LHFPL3: variants seen among roughly 807,000 people sequenced by gnomAD.
The protein encoded by LHFPL3 is LHFPL tetraspan subfamily member 3 protein.
Under a neutral mutation model 19.3 loss-of-function variants are expected in LHFPL3, and 5 were observed. That is an observed-to-expected ratio of 0.26 (90% CI 0.14 to 0.54). LHFPL3 has a LOEUF of 0.54. Among genes scored for constraint, LHFPL3 ranks in the 20% least tolerant of loss-of-function variants. LHFPL3 has a pLI of 0.94. For synonymous variants in LHFPL3, 133 were observed against 126.2 expected, an observed-to-expected ratio of 1.05 and a Z score of -0.36; for missense variants, 249 against 307.4, an observed-to-expected ratio of 0.81 and a Z score of 1.42.
rs570473773 is a variant in LHFPL3, at chr7:104,570,798, A to G, written c.446-165877A>G. ...ATTTCATCACTCAGGAATTAAGCCC[A>G]GTACCCAACAGTTATCTTTTCTGCT... On this transcript the variant is annotated intron_variant, in intron 1 of 2. Transcript: ENST00000424859. Among the ~76,000 whole-genome samples the G allele has an allele frequency of 3.9e-5, 6 of 152,322 alleles. No homozygotes were observed. The South Asian group carries it at 8.3e-4, about 21-fold the overall frequency.
At chr7:104,886,157 C>T (rs991558220) in intron 2 of LHFPL3, among the ~76,000 whole-genome samples, 8 of 152,220 alleles carry the variant, frequency 5.3e-5, no homozygotes, top group Admixed American at 2.6e-4. Context: ...AAAGCTAGGA[C>T]TTACTCTCCT....
chr7:104,870,081 G>C (rs1206170689), intron 2 of LHFPL3, among the ~76,000 whole-genome samples: 1 of 151,938 alleles, frequency 6.6e-6, no homozygotes, highest in Non-Finnish European at 1.5e-5. Flanking sequence ...TCACACACCG[G>C]GGCCTGCTGT....
intron 1 of LHFPL3, among the ~76,000 whole-genome samples, chr7:104,710,361 A>C (rs1238186396): frequency 6.6e-6 from 1 of 152,108 alleles, no homozygotes; most frequent in African/African-American, 2.4e-5. Context: ...CTTTGACCTT[A>C]GTTATTGACT....
chr7:104,446,010 G>A (rs1402980122), intron 1 of LHFPL3, among the ~76,000 whole-genome samples: 2 of 152,172 alleles, frequency 1.3e-5, no homozygotes, highest in Non-Finnish European at 2.9e-5. Flanking sequence ...CGACAGGAAG[G>A]TTTATTAGTT....
chr7:104,443,605 A>C (rs892486035), intron 1 of LHFPL3, among the ~76,000 whole-genome samples: 13 of 152,202 alleles, frequency 8.5e-5, no homozygotes, highest in Admixed American at 2.0e-4. Flanking sequence ...TGTGTAACCA[A>C]CAAGGACATG....
chr7:104,873,694 A>G (rs1791879256), intron 2 of LHFPL3, among the ~76,000 whole-genome samples: 1 of 152,224 alleles, frequency 6.6e-6, no homozygotes. Context: ...TTAACAATAT[A>G]TGAATGTGCT....
chr7:104,744,669 T>C (rs1386315039), intron 2 of LHFPL3, among the ~76,000 whole-genome samples: 3 of 152,204 alleles, frequency 2.0e-5, no homozygotes, highest in Non-Finnish European at 4.4e-5. Flanking sequence ...CTTACCAAGG[T>C]CACTCCAACC....
chr7:104,430,807 G>C (rs1277503383), intron 1 of LHFPL3, among the ~76,000 whole-genome samples: 2 of 151,714 alleles, frequency 1.3e-5, no homozygotes, highest in African/African-American at 4.8e-5. Context: ...TTCTGTCTTT[G>C]AATTAGCTGC....
Position 104,417,884 on chromosome 7 carries a change from C to CTTTTTT in LHFPL3, c.445+88671_445+88676dup, listed in dbSNP as rs762794916. ...TCTTCTTCTTCTTCTTCTTCTTCTT[C>CTTTTTT]TTTTTTTTTTTTTTTTGAGATGGGG... On this transcript the variant is annotated intron_variant, in intron 1 of 2. Coordinates refer to ENST00000424859, the MANE Select transcript of LHFPL3 (RefSeq NM_199000.3). 1.3e-3 allele frequency among the ~76,000 whole-genome samples: 158 copies of CTTTTTT among 117,742 alleles called. 4 individuals carry two copies. The highest frequency in any genetic ancestry group is 0.011 in the East Asian group (47 of 4,296). 77.2% of individuals were successfully genotyped at this position (117,742 alleles called of 152,430 possible). A position where few individuals can be genotyped will look rare whatever the true frequency, so the allele number is the denominator to read the frequency against.
chr7:104,832,600 C>CT (rs1350107531), intron 2 of LHFPL3, among the ~76,000 whole-genome samples: 3 of 147,768 alleles, frequency 2.0e-5, no homozygotes, highest in African/African-American at 7.6e-5. Flanking sequence ...GTCTTAGGAT[C>CT]TCTCTGACAT....
At chr7:104,802,222 C>G (rs1024596041) in intron 2 of LHFPL3, among the ~76,000 whole-genome samples, 1 of 152,078 alleles carries the variant, frequency 6.6e-6, no homozygotes, top group South Asian at 2.1e-4. Context: ...GGGCCAGGCA[C>G]ACTGGCTCAC....
intron 2 of LHFPL3, among the ~76,000 whole-genome samples, chr7:104,871,146 A>T (rs1278461017): frequency 6.6e-6 from 1 of 152,252 alleles, no homozygotes; most frequent in Non-Finnish European, 1.5e-5. Flanking sequence ...TGAACATCAC[A>T]GAGTGTACTT....
At chr7:104,719,205 T>G (rs1793443288) in intron 1 of LHFPL3, among the ~76,000 whole-genome samples, 1 of 152,142 alleles carries the variant, frequency 6.6e-6, no homozygotes, top group African/African-American at 2.4e-5. Flanking sequence ...ATATCTTTAT[T>G]TATAAGAAGG....
chr7:104,810,766 A>T (rs897986217), intron 2 of LHFPL3, among the ~76,000 whole-genome samples: 3 of 152,230 alleles, frequency 2.0e-5, no homozygotes, highest in African/African-American at 7.2e-5. Context: ...AAGCTGGAGG[A>T]ACCAACAAGG....
Position 104,906,384 on chromosome 7 carries a change from C to A in LHFPL3, c.*169C>A. ...TCACTTGTCAACGCACTTTCTAAAT[C>A]TAGATCAGCAGAGATGGGAGTGATT... On this transcript the variant is annotated 3_prime_UTR_variant, in exon 3 of 3. Transcript: ENST00000424859. 1 of 759,164 alleles carries A rather than the reference C, an allele frequency of 1.3e-6. No individual in the cohort carries two copies. The highest frequency in any genetic ancestry group is 2.1e-6 in the Non-Finnish European group (1 of 480,738). 47.0% of individuals were successfully genotyped at this position (759,164 alleles called of 1,614,324 possible). A position where few individuals can be genotyped will look rare whatever the true frequency, so the allele number is the denominator to read the frequency against.
At chr7:104,440,608 A>G (rs1039146908) in intron 1 of LHFPL3, among the ~76,000 whole-genome samples, 2 of 152,202 alleles carry the variant, frequency 1.3e-5, no homozygotes, top group African/African-American at 4.8e-5. Context: ...AACTCATCAT[A>G]CATAGAGTAT....
At chr7:104,573,803 A>AATGCT (rs1455849806) in intron 1 of LHFPL3, among the ~76,000 whole-genome samples, 60 of 152,326 alleles carry the variant, frequency 3.9e-4, no homozygotes, top group African/African-American at 1.4e-3. Flanking sequence ...TTCTGGTCGC[A>AATGCT]ATGCTTTGCT....
chr7:104,882,606 G>A (rs1048138509), intron 2 of LHFPL3, among the ~76,000 whole-genome samples: 26 of 152,272 alleles, frequency 1.7e-4, no homozygotes, highest in African/African-American at 6.3e-4. Flanking sequence ...GAGACAGAAA[G>A]TATCTTAGTG....
At chr7:104,684,345 A>G (rs959036477) in intron 1 of LHFPL3, among the ~76,000 whole-genome samples, 3 of 152,222 alleles carry the variant, frequency 2.0e-5, no homozygotes, top group African/African-American at 7.2e-5. Flanking sequence ...CTTTCTCCGT[A>G]AAGGGCCAGA....
Sources: allele counts gnomAD v4.1 joint callset (sites outside exome capture counted in the v4.1 genomes callset), GRCh38; gene constraint gnomAD v4.1.1; transcripts MANE v1.5; gene names NCBI Gene and HGNC (gene_info 2026-07-23, HGNC 2026-07-21).